The following SFTPA1 variants were observed in gnomAD, a reference collection of about 807,000 sequenced individuals.
SFTPA1 encodes pulmonary surfactant-associated protein A1.
In SFTPA1, 13 loss-of-function variants were observed where a neutral mutation model predicts 19.1. That is an observed-to-expected ratio of 0.68 (90% CI 0.44 to 1.08). SFTPA1 has a LOEUF of 1.08. Among genes scored for constraint, SFTPA1 ranks in the 50% least tolerant of loss-of-function variants. SFTPA1 has a pLI of 0.00. For missense variants in SFTPA1, 259 were observed against 316.4 expected (o/e 0.82, Z 1.38); for synonymous variants, 101 against 117.0 (o/e 0.86, Z 0.88).
chr10:79,612,504 T>C (rs545921654), intron 4 of SFTPA1, 73 bp downstream of exon 4: 2 of 1,598,400 alleles, frequency 1.3e-6, no homozygotes, highest in African/African-American at 1.3e-5. Context: ...ACGGGGATGA[T>C]GGGGATCAGA....
At position 79,614,537 on chromosome 10, in the gene SFTPA1, A is replaced by C; in HGVS notation, c.*424A>C. The stretch of plus-strand genomic sequence containing the variant: ...CAACCCAGTGCCATCAGGATGAGCA[A>C]TCCTGGCCAAGCATAATGACAGAGA... On this transcript the variant is annotated 3_prime_UTR_variant, in exon 6 of 6. Transcript: ENST00000398636. The C allele has an allele frequency of 6.8e-6, 1 of 147,892 alleles. No individual in the cohort carries two copies. Among genetic ancestry groups the C allele is most frequent in the Non-Finnish European group, 1.5e-5 (1 of 67,378 alleles). 9.2% of individuals were successfully genotyped at this position (147,892 alleles called of 1,614,324 possible). A position where few individuals can be genotyped will look rare whatever the true frequency, so the allele number is the denominator to read the frequency against.
chr10:79,612,206 A>C, intron 3 of SFTPA1, 106 bp from the exon 4 acceptor site: 4 of 1,607,946 alleles, frequency 2.5e-6, no homozygotes, highest in Non-Finnish European at 3.4e-6. Flanking sequence ...ACGGAGTGAT[A>C]GAGTGATAGC....
chr10:79,614,889 T>G lies in SFTPA1; in HGVS notation c.*776T>G. ...ACCCTACTTCAGATTTCAGTGGGCA[T>G]TCACACCACCCCCCACACCACTGGC... On this transcript the variant is annotated 3_prime_UTR_variant, in exon 6 of 6. Coordinates refer to ENST00000398636, the MANE Select transcript of SFTPA1 (RefSeq NM_005411.5). The G allele has an allele frequency of 1.1e-6, 1 of 905,590 alleles. No homozygotes were observed. The highest frequency in any genetic ancestry group is 1.5e-6 in the Non-Finnish European group (1 of 654,094). 56.1% of individuals were successfully genotyped at this position (905,590 alleles called of 1,614,324 possible).
chr10:79,614,165 A>G lies in SFTPA1; in HGVS notation c.*52A>G. The G allele has an allele frequency of 6.2e-7, 1 of 1,614,058 alleles. No homozygotes were observed. The highest frequency in any genetic ancestry group is 1.6e-4 in the Middle Eastern group (1 of 6,062). On this transcript the variant is annotated 3_prime_UTR_variant, in exon 6 of 6. Transcript: ENST00000398636. ...GGACGCTCTCTGGCCTTCGGCCTCC[A>G]TCCTGAGGCTCCACTTGGTCTGTGA... is the stretch of plus-strand genomic sequence containing the variant.
chr10:79,615,303 T>C lies in SFTPA1; in HGVS notation c.*1190T>C, dbSNP rs1226971326. ...ACTGAAGCTTGGAGGAGTTAAATGTTTTGAGTATTATTCCAGAGAGCAAGT... is the reference window on the plus strand; with the variant it reads ...ACTGAAGCTTGGAGGAGTTAAATGTCTTGAGTATTATTCCAGAGAGCAAGT... On this transcript the variant is annotated 3_prime_UTR_variant, in exon 6 of 6. Coordinates refer to ENST00000398636, the MANE Select transcript of SFTPA1 (RefSeq NM_005411.5). 1 of 316,542 alleles carries C rather than the reference T, an allele frequency of 3.2e-6. No homozygotes were observed. The highest frequency in any genetic ancestry group is 4.7e-5 in the Admixed American group (1 of 21,096). 19.6% of individuals were successfully genotyped at this position (316,542 alleles called of 1,614,324 possible). A position where few individuals can be genotyped will look rare whatever the true frequency, so the allele number is the denominator to read the frequency against.
chr10:79,613,853 G>A lies in SFTPA1; in HGVS notation c.487G>A (p.Ala163Thr). 1.2e-6 allele frequency: 2 copies of A among 1,613,956 alleles called. No homozygotes were observed. The highest frequency in any genetic ancestry group is 1.3e-5 in the African/African-American group (1 of 75,042). ...ATGTGCCAGAGCAGGCGGCCGCATT[G>A]CTGTCCCAAGGAATCCAGAGGAAAA... ...EACARAGGRI[A>T]VPRNPEENEA... is the part of the protein sequence containing the mutation. Residue 163 changes from alanine (A) to threonine (T), a missense_variant, in exon 6 of 6, where the codon GCT becomes ACT. Coordinates refer to ENST00000398636, the MANE Select transcript of SFTPA1 (RefSeq NM_005411.5).
intron 2 of SFTPA1, 149 bp downstream of exon 2, chr10:79,611,538 C>A: frequency 6.6e-7 from 1 of 1,505,442 alleles, no homozygotes; most frequent in Non-Finnish European, 8.9e-7. Context: ...GAGCCCAGGT[C>A]CCCGGGCTCC....
chr10:79,612,478 C>A (rs1859916927), intron 4 of SFTPA1, 47 bp downstream of exon 4: 1 of 1,607,872 alleles, frequency 6.2e-7, no homozygotes, highest in Non-Finnish European at 8.5e-7. Context: ...GGCACAGCGA[C>A]CCTGAAGTCA....
chr10:79,614,194 G>A lies in SFTPA1; in HGVS notation c.*81G>A, dbSNP rs1415989513. 6 of 1,609,752 alleles carry A rather than the reference G, an allele frequency of 3.7e-6. No homozygotes were observed. Among genetic ancestry groups the A allele is most frequent in the Non-Finnish European group, 5.1e-6 (6 of 1,177,094 alleles). On this transcript the variant is annotated 3_prime_UTR_variant, in exon 6 of 6. Coordinates refer to ENST00000398636, the MANE Select transcript of SFTPA1 (RefSeq NM_005411.5). ...TGAGGCTCCACTTGGTCTGTGAGAT[G>A]CTAGAACTCCCTTTCAACAGAATTC...
chr10:79,612,216 C>T (rs781043161), intron 3 of SFTPA1, 96 bp from the exon 4 acceptor site: 3 of 1,610,764 alleles, frequency 1.9e-6, no homozygotes, highest in Non-Finnish European at 2.5e-6. Flanking sequence ...AGAGTGATAG[C>T]TGAGCCAGCC....
At position 79,613,209 on chromosome 10, in the gene SFTPA1, G is replaced by A; in HGVS notation, c.313G>A (p.Glu105Lys). 2 of 1,614,004 alleles carry A rather than the reference G, an allele frequency of 1.2e-6. No homozygotes were observed. Among genetic ancestry groups the A allele is most frequent in the Non-Finnish European group, 1.7e-6 (2 of 1,179,988 alleles). Residue 105 changes from glutamate to lysine, a missense_variant, in exon 5 of 6, where the codon GAG becomes AAG. By Grantham distance (56) the Glu-to-Lys change is moderately conservative. Coordinates refer to ENST00000398636, the MANE Select transcript of SFTPA1 (RefSeq NM_005411.5). ...CACAGGGCTTCCAGCTCATCTAGAT[G>A]AGGAGCTCCAAGCCACACTCCACGA... ...GPPGLPAHLD[E>K]ELQATLHDFR...
At chr10:79,613,067 G>C (rs942843412) in intron 4 of SFTPA1, 122 bp from the exon 5 acceptor site, 165 of 1,587,850 alleles carry the variant, frequency 1.0e-4, no homozygotes, top group Non-Finnish European at 1.4e-4. Flanking sequence ...TAGGGTCTGG[G>C]TGGCGCCTAA....
At chr10:79,612,075 GCT>G in intron 3 of SFTPA1, 78 bp downstream of exon 3, 1 of 1,588,818 alleles carries the variant, frequency 6.3e-7, no homozygotes. Flanking sequence ...AGGCCCCTAG[GCT>G]GTGGGCCATA....
At position 79,614,025 on chromosome 10, in the gene SFTPA1, GAA is replaced by G. The variant is rs1373595697; in HGVS notation, c.662_663del (p.Lys221ArgfsTer14). The G allele has an allele frequency of 6.2e-7, 1 of 1,614,130 alleles. No individual in the cohort carries two copies. Among genetic ancestry groups the G allele is most frequent in the Non-Finnish European group, 8.5e-7 (1 of 1,180,046 alleles). ...TACCGAGGGGAGCCCGCAGGTCGGG[GAA>G]AAGAGCAGTGTGTGGAGATGTACAC... On this transcript the variant is annotated frameshift_variant, in exon 6 of 6. Transcript: ENST00000398636. LOFTEE classifies it high-confidence loss of function.
rs139899873 is a variant in SFTPA1, at chr10:79,611,851, A to C, written c.26A>C (p.Asn9Thr). Residue 9 changes from asparagine to threonine, a missense_variant, in exon 3 of 6, where the codon AAC becomes ACC. Physicochemically the swap from Asn to Thr is moderately conservative, Grantham distance 65 (BLOSUM62 0). Transcript: ENST00000398636. ...ATGTGGCTGTGCCCTCTGGCCCTCA[A>C]CCTCATCTTGATGGCAGCCTCTGGT... MWLCPLAL[N>T]LILMAASGAV... 2,501 of 1,613,692 alleles carry C rather than the reference A, an allele frequency of 1.5e-3. 44 individuals are homozygous for C. In the African/African-American group the frequency reaches 0.028, roughly 18 times the overall value.
Position 79,615,108 on chromosome 10 carries a change from C to G in SFTPA1, c.*995C>G. On this transcript the variant is annotated 3_prime_UTR_variant, in exon 6 of 6. Coordinates refer to ENST00000398636, the MANE Select transcript of SFTPA1 (RefSeq NM_005411.5). Reference sequence around the variant, plus strand: ...GCTGTCACAGTTATTACCATCCCCCCAGCTACCAAAATTACTACCAGAACT... The same window carrying G: ...GCTGTCACAGTTATTACCATCCCCCGAGCTACCAAAATTACTACCAGAACT... 7.7e-7 allele frequency: 1 copy of G among 1,303,802 alleles called. No homozygotes were observed. Among genetic ancestry groups the G allele is most frequent in the Non-Finnish European group, 1.0e-6 (1 of 988,098 alleles). The allele number at this position is 1,303,802 out of a possible 1,614,324, so 80.8% of individuals were successfully genotyped here.
chr10:79,615,151 C>CT lies in SFTPA1; in HGVS notation c.*1039dup. On this transcript the variant is annotated 3_prime_UTR_variant, in exon 6 of 6. Coordinates refer to ENST00000398636, the MANE Select transcript of SFTPA1 (RefSeq NM_005411.5). ...CCAGAACTGTTACTATACACAGAGG[C>CT]TATTGACTGAGCACCTATCATTTGC... is the stretch of plus-strand genomic sequence containing the variant. The CT allele has an allele frequency of 1.6e-6, 2 of 1,238,508 alleles. No individual in the cohort carries two copies. The highest frequency in any genetic ancestry group is 2.1e-6 in the Non-Finnish European group (2 of 935,676). 76.7% of individuals were successfully genotyped at this position (1,238,508 alleles called of 1,614,324 possible). A position where few individuals can be genotyped will look rare whatever the true frequency, so the allele number is the denominator to read the frequency against.
Position 79,612,412 on chromosome 10 carries a change from T to C in SFTPA1, c.273T>C (p.Pro91=). 2 of 1,612,992 alleles carry C rather than the reference T, an allele frequency of 1.2e-6. No individual in the cohort carries two copies. Among genetic ancestry groups the C allele is most frequent in the Non-Finnish European group, 1.7e-6 (2 of 1,179,538 alleles). ...GAGAGTGTGGAGAGAAGGGGGAGCC[T>C]GGCGAGAGGGGCCCTCCAGGTGAGC... ...IPGECGEKGE[P]GERGPPGLPA... The change falls in exon 4 of 6, where the codon CCT becomes CCC. Residue 91 remains proline, a synonymous_variant. Transcript: ENST00000398636.
intron 4 of SFTPA1, among the ~76,000 whole-genome samples, chr10:79,612,779 A>G (rs2559727): frequency 4.3e-4 from 66 of 152,182 alleles, no homozygotes; most frequent in East Asian, 1.4e-3. Context: ...AGGCATCCAG[A>G]CAGACGGTGT....
Sources: gnomAD v4.1 joint callset for allele counts (sites outside exome capture counted in the v4.1 genomes callset) on GRCh38, gnomAD v4.1.1 for gene constraint, MANE v1.5 for transcripts, NCBI Gene and HGNC (gene_info 2026-07-23, HGNC 2026-07-21) for gene names.